Variants in KIF16B observed in about 807,000 individuals in gnomAD.
KIF16B encodes the protein kinesin-like protein KIF16B.
Under a neutral mutation model 156.3 loss-of-function variants are expected in KIF16B, and 98 were observed. That is an observed-to-expected ratio of 0.63 (90% CI 0.53 to 0.74). KIF16B has a LOEUF of 0.74. KIF16B is among the 30% of genes least tolerant of loss of function. The pLI, the probability that KIF16B is intolerant of heterozygous loss-of-function variation, is 0.00. For synonymous variants in KIF16B, 564 were observed against 583.7 expected, an observed-to-expected ratio of 0.97 and a Z score of 0.49; for missense variants, 1,421 against 1,606.5, an observed-to-expected ratio of 0.88 and a Z score of 1.97.
At chr20:16,395,849 AAAAT>A (rs1274910096) in intron 17 of KIF16B, among the ~76,000 whole-genome samples, 2 of 152,208 alleles carry the variant, frequency 1.3e-5, no homozygotes, top group East Asian at 1.9e-4. Context: ...TCAGCTTGAA[AAAAT>A]AAATAAATAA....
intron 1 of KIF16B, among the ~76,000 whole-genome samples, chr20:16,541,369 T>A (rs565438850): frequency 1.1e-4 from 16 of 152,342 alleles, no homozygotes; most frequent in African/African-American, 3.4e-4. Flanking sequence ...CACCATGACC[T>A]ACATCCAAAT....
intron 17 of KIF16B, among the ~76,000 whole-genome samples, chr20:16,391,657 G>A (rs1472191569): frequency 1.3e-5 from 2 of 152,188 alleles, no homozygotes; most frequent in Non-Finnish European, 2.9e-5. Flanking sequence ...AGGAGGGGAT[G>A]TGTGCAGGAC....
chr20:16,393,743 G>A (rs915233502), intron 17 of KIF16B, among the ~76,000 whole-genome samples: 4 of 152,200 alleles, frequency 2.6e-5, no homozygotes, highest in African/African-American at 7.2e-5. Context: ...AAAAGATAGA[G>A]GATGCTATGA....
At chr20:16,479,771 T>C (rs1328399352) in intron 12 of KIF16B, among the ~76,000 whole-genome samples, 3 of 152,196 alleles carry the variant, frequency 2.0e-5, no homozygotes, top group Non-Finnish European at 4.4e-5. Flanking sequence ...CCATACCATA[T>C]AGCCTAGGTG....
At chr20:16,415,714 T>C (rs2066069070) in intron 15 of KIF16B, among the ~76,000 whole-genome samples, 3 of 152,170 alleles carry the variant, frequency 2.0e-5, no homozygotes, top group African/African-American at 7.2e-5. Flanking sequence ...CTGAAGAGCA[T>C]CTAAGTCACT....
intron 12 of KIF16B, among the ~76,000 whole-genome samples, chr20:16,491,550 T>C (rs936461826): frequency 2.0e-5 from 3 of 152,190 alleles, no homozygotes; most frequent in Non-Finnish European, 4.4e-5. Flanking sequence ...AATGATGTCT[T>C]CCTCTGTTAA....
chr20:16,462,971 G>A (rs2146690111), intron 12 of KIF16B, among the ~76,000 whole-genome samples: 1 of 152,290 alleles, frequency 6.6e-6, no homozygotes, highest in South Asian at 2.1e-4. Context: ...GATTAGGCTG[G>A]AGTGGCCAGT....
At chr20:16,534,285 C>T (rs943730926) in intron 1 of KIF16B, among the ~76,000 whole-genome samples, 1 of 151,780 alleles carries the variant, frequency 6.6e-6, no homozygotes, top group African/African-American at 2.4e-5. Flanking sequence ...TCTAAAATTA[C>T]TCTTAGTATT....
chr20:16,386,945 T>C (rs2065243802), intron 17 of KIF16B, among the ~76,000 whole-genome samples: 1 of 152,074 alleles, frequency 6.6e-6, no homozygotes, highest in African/African-American at 2.4e-5. Context: ...ATTAATCCTA[T>C]AGCATCCATA....
At chr20:16,460,933 T>TA (rs1164316483) in intron 12 of KIF16B, among the ~76,000 whole-genome samples, 1 of 151,924 alleles carries the variant, frequency 6.6e-6, no homozygotes, top group Non-Finnish European at 1.5e-5. Flanking sequence ...AAAAAAAATT[T>TA]AAAAAAGCAA....
At chr20:16,556,732 T>A (rs1480432470) in intron 1 of KIF16B, among the ~76,000 whole-genome samples, 1 of 152,230 alleles carries the variant, frequency 6.6e-6, no homozygotes, top group Non-Finnish European at 1.5e-5. Flanking sequence ...ACACAGCCTC[T>A]GCACTGGCTG....
chr20:16,572,914 C>G (rs575178607), intron 1 of KIF16B, among the ~76,000 whole-genome samples: 22 of 152,316 alleles, frequency 1.4e-4, no homozygotes, highest in African/African-American at 5.3e-4. Flanking sequence ...TCACCTTCCC[C>G]CCAACTATTT....
At chr20:16,306,066 A>G (rs2063536997) in intron 25 of KIF16B, among the ~76,000 whole-genome samples, 1 of 152,156 alleles carries the variant, frequency 6.6e-6, no homozygotes, top group South Asian at 2.1e-4. Flanking sequence ...GCTTTCCTGC[A>G]TTCTTCCCCA....
At chr20:16,445,026 G>A (rs952759981) in intron 12 of KIF16B, among the ~76,000 whole-genome samples, 16 of 152,060 alleles carry the variant, frequency 1.1e-4, no homozygotes, top group Non-Finnish European at 2.2e-4. Context: ...GATTGTGAAC[G>A]GAAAAAGGGA....
intron 6 of KIF16B, among the ~76,000 whole-genome samples, chr20:16,509,910 G>C (rs925238400): frequency 4.6e-5 from 7 of 152,040 alleles, no homozygotes; most frequent in African/African-American, 1.7e-4. Context: ...CTTTCCTCCA[G>C]GTTTCCGGGA....
chr20:16,549,256 G>A (rs2070542569), intron 1 of KIF16B, among the ~76,000 whole-genome samples: 1 of 143,074 alleles, frequency 7.0e-6, no homozygotes, highest in African/African-American at 2.6e-5. Context: ...TGATCTCATT[G>A]TTCAATTCCC....
At chr20:16,354,759 C>T (rs2064404276) in intron 23 of KIF16B, among the ~76,000 whole-genome samples, 1 of 152,142 alleles carries the variant, frequency 6.6e-6, no homozygotes, top group African/African-American at 2.4e-5. Context: ...TCCTGGCTAA[C>T]ACAGTGCAAA....
intron 22 of KIF16B, among the ~76,000 whole-genome samples, chr20:16,364,074 A>G (rs1405824139): frequency 6.6e-6 from 1 of 152,222 alleles, no homozygotes; most frequent in African/African-American, 2.4e-5. Context: ...CATCTGGGAA[A>G]GAGAATGTAA....
rs564908555 is a variant in KIF16B at position 16,538,699 on chromosome 20, T to TA, written c.48-10260dup. 1.9e-3 allele frequency among the ~76,000 whole-genome samples: 293 copies of TA among 152,304 alleles called. 2 individuals carry two copies. The Middle Eastern group carries it at 0.031, about 16-fold the overall frequency. On this transcript the variant is annotated intron_variant, in intron 1 of 25. Coordinates refer to ENST00000354981, the MANE Select transcript of KIF16B (RefSeq NM_024704.5). ...CATGAGTTAGAAGAACATTTATTTT[T>TA]AAAAAAATCCTATTGACATAGTTTC...
Sources: allele counts gnomAD v4.1 joint callset (sites outside exome capture counted in the v4.1 genomes callset), GRCh38; gene constraint gnomAD v4.1.1; transcripts MANE v1.5; gene names NCBI Gene and HGNC (gene_info 2026-07-23, HGNC 2026-07-21).